NCKAP5: variants seen among roughly 807,000 people sequenced by gnomAD.
NCKAP5 encodes the protein nck-associated protein 5.
Under a neutral mutation model 167.0 loss-of-function variants are expected in NCKAP5, and 92 were observed. That is an observed-to-expected ratio of 0.55 (90% CI 0.47 to 0.66). The LOEUF (loss-of-function observed/expected upper bound fraction) is 0.66, where lower values mean the gene tolerates loss of function less well. Ranked by LOEUF, NCKAP5 falls within the 30% of genes least tolerant of loss-of-function variation. The probability of loss-of-function intolerance (pLI) is 0.00; values close to 1 mark genes in which losing one functional copy is unlikely to be tolerated. For missense variants in NCKAP5, 2,378 were observed against 2,315.0 expected (o/e 1.03, Z -0.56); for synonymous variants, 891 against 877.4 (o/e 1.02, Z -0.27).
the NCKAP5 span, among the ~76,000 whole-genome samples, chr2:133,616,586 C>A: frequency 9.9e-5 from 15 of 152,186 alleles, no homozygotes; most frequent in African/African-American, 3.1e-4. Context: ...CACACACTCT[C>A]CCAAGACTAA....
At chr2:133,362,729 A>T (rs983079354) in intron 3 of NCKAP5, among the ~76,000 whole-genome samples, 34 of 150,230 alleles carry the variant, frequency 2.3e-4, no homozygotes, top group Middle Eastern at 6.8e-3. Context: ...TTGCAGCCAG[A>T]TATGTAATCA....
At chr2:132,693,928 T>C (rs1687058957) in intron 19 of NCKAP5, among the ~76,000 whole-genome samples, 2 of 151,864 alleles carry the variant, frequency 1.3e-5, no homozygotes, top group African/African-American at 4.8e-5. Flanking sequence ...CCAGCCCCTT[T>C]CTCTTGTGTT....
At chr2:132,756,372 T>C (rs1680554743) in intron 16 of NCKAP5, among the ~76,000 whole-genome samples, 1 of 152,120 alleles carries the variant, frequency 6.6e-6, no homozygotes, top group Admixed American at 6.5e-5. Flanking sequence ...TTGCAGAAAC[T>C]TGGGCCAGGG....
intron 4 of NCKAP5, among the ~76,000 whole-genome samples, chr2:133,289,741 C>A (rs1185108938): frequency 2.0e-5 from 3 of 151,668 alleles, no homozygotes; most frequent in African/African-American, 7.3e-5. Context: ...AAAAACAGCA[C>A]AACTACTTGA....
chr2:133,355,140 T>A (rs1244200575), intron 3 of NCKAP5, among the ~76,000 whole-genome samples: 2 of 152,198 alleles, frequency 1.3e-5, no homozygotes, highest in Non-Finnish European at 2.9e-5. Context: ...GTAGCTTAAG[T>A]TTTCTCTGGC....
At chr2:132,998,314 T>C (rs1397108092) in intron 6 of NCKAP5, among the ~76,000 whole-genome samples, 1 of 152,192 alleles carries the variant, frequency 6.6e-6, no homozygotes, top group African/African-American at 2.4e-5. Context: ...CTTGGCTTTA[T>C]ACTTAAAAAA....
chr2:133,548,236 C>T (rs1273226755), intron 2 of NCKAP5, among the ~76,000 whole-genome samples: 3 of 151,898 alleles, frequency 2.0e-5, no homozygotes, highest in Admixed American at 6.6e-5. Flanking sequence ...TGTGAAAAGA[C>T]CAAATCTACA....
chr2:133,390,399 A>T (rs964630603), intron 3 of NCKAP5, among the ~76,000 whole-genome samples: 1 of 152,166 alleles, frequency 6.6e-6, no homozygotes, highest in African/African-American at 2.4e-5. Flanking sequence ...AAAGCTTCCC[A>T]CACACGACCC....
At chr2:132,772,112 G>A (rs115891831) in intron 16 of NCKAP5, among the ~76,000 whole-genome samples, 2,462 of 152,004 alleles carry the variant, frequency 0.016, 77 homozygotes, top group African/African-American at 0.056. Context: ...GTACAGGCTC[G>A]TAGCCTAGGA....
At chr2:133,504,599 A>G (rs1167892359) in intron 3 of NCKAP5, among the ~76,000 whole-genome samples, 2 of 152,096 alleles carry the variant, frequency 1.3e-5, no homozygotes, top group Non-Finnish European at 2.9e-5. Context: ...TAGGTGGCCA[A>G]TAAATGTTAC....
At chr2:132,932,166 T>C (rs1420862102) in intron 8 of NCKAP5, among the ~76,000 whole-genome samples, 1 of 152,220 alleles carries the variant, frequency 6.6e-6, no homozygotes, top group African/African-American at 2.4e-5. Context: ...GGAGGACTGT[T>C]TTATATGCCA....
At chr2:133,238,344 T>C (rs2087521173) in intron 4 of NCKAP5, among the ~76,000 whole-genome samples, 1 of 152,264 alleles carries the variant, frequency 6.6e-6, no homozygotes, top group South Asian at 2.1e-4. Context: ...GCGAAGGCAG[T>C]GGCTTCAAGC....
intron 6 of NCKAP5, among the ~76,000 whole-genome samples, chr2:133,058,481 A>G (rs2079877811): frequency 6.6e-6 from 1 of 152,156 alleles, no homozygotes. Context: ...GTTTATTCCA[A>G]CCCTCATGAA....
intron 11 of NCKAP5, among the ~76,000 whole-genome samples, chr2:132,852,913 C>T (rs1190121267): frequency 1.3e-5 from 2 of 152,184 alleles, no homozygotes; most frequent in East Asian, 3.8e-4. Flanking sequence ...TATTATCTAT[C>T]TCCTTATTAA....
intron 7 of NCKAP5, among the ~76,000 whole-genome samples, chr2:132,970,942 C>T (rs189567385): frequency 2.0e-5 from 3 of 152,372 alleles, no homozygotes; most frequent in African/African-American, 7.2e-5. Context: ...TAGTCACTGG[C>T]TTTCCCCATT....
chr2:133,500,092 T>TA lies in NCKAP5; in HGVS notation c.69+17365dup, dbSNP rs1325487199. 2.0e-5 allele frequency among the ~76,000 whole-genome samples: 3 copies of TA among 152,224 alleles called. No individual in the cohort carries two copies. In the East Asian group the frequency reaches 5.8e-4, roughly 29 times the overall value. Reference sequence around the variant, plus strand: ...CTTGAGGGGAAAACACAGAATCTTATAAAAAGGATAAACTGCTTTTAAGAA... The same window carrying TA: ...CTTGAGGGGAAAACACAGAATCTTATAAAAAAGGATAAACTGCTTTTAAGAA... On this transcript the variant is annotated intron_variant, in intron 3 of 19. Transcript: ENST00000409261.
chr2:133,236,505 C>A (rs560920703), intron 4 of NCKAP5, among the ~76,000 whole-genome samples: 1 of 152,122 alleles, frequency 6.6e-6, no homozygotes, highest in Non-Finnish European at 1.5e-5. Flanking sequence ...AAGGACTGTT[C>A]TCTTAGGTGT....
chr2:132,759,157 T>C (rs1680796478), intron 16 of NCKAP5, among the ~76,000 whole-genome samples: 1 of 152,186 alleles, frequency 6.6e-6, no homozygotes. Context: ...CAAATGAATC[T>C]ATCATGGTAC....
intron 11 of NCKAP5, among the ~76,000 whole-genome samples, chr2:132,801,709 CG>C (rs1200521812): frequency 6.6e-6 from 1 of 152,130 alleles, no homozygotes; most frequent in Non-Finnish European, 1.5e-5. Flanking sequence ...TACATTGGGT[CG>C]GTAATATTTG....
Sources: gnomAD v4.1 joint callset for allele counts (sites outside exome capture counted in the v4.1 genomes callset) on GRCh38, gnomAD v4.1.1 for gene constraint, MANE v1.5 for transcripts, NCBI Gene and HGNC (gene_info 2026-07-23, HGNC 2026-07-21) for gene names.